ZNF841: variants seen among roughly 807,000 people sequenced by gnomAD.
ZNF841 encodes TCONS_00006091.
In ZNF841, 11 loss-of-function variants were observed where a neutral mutation model predicts 13.0. The ratio of observed to expected loss-of-function variants is 0.85; its 90% confidence interval spans 0.53 to 1.40. ZNF841 has a LOEUF of 1.40. Among genes scored for constraint, ZNF841 ranks in the 40% most tolerant of loss-of-function variants. The pLI, the probability that ZNF841 is intolerant of heterozygous loss-of-function variation, is 0.00. For synonymous variants in ZNF841, 369 were observed against 381.6 expected (o/e 0.97, Z 0.38); for missense variants, 1,068 against 1,139.5 (o/e 0.94, Z 0.90).
intron 4 of ZNF841, among the ~76,000 whole-genome samples, chr19:52,078,800 TAGAGA>T (rs960608382): frequency 4.6e-5 from 7 of 151,876 alleles, no homozygotes; most frequent in Non-Finnish European, 8.8e-5. Flanking sequence ...GTATCTTATG[TAGAGA>T]AAAGAAAAAA....
At chr19:52,074,800 G>C (rs1019743059) in intron 6 of ZNF841, among the ~76,000 whole-genome samples, 43 of 152,268 alleles carry the variant, frequency 2.8e-4, no homozygotes, top group African/African-American at 9.4e-4. Context: ...TACAGGCGTT[G>C]AGCCACCGTG....
intron 2 of ZNF841, among the ~76,000 whole-genome samples, chr19:52,090,935 T>C (rs942068370): frequency 6.6e-6 from 1 of 152,164 alleles, no homozygotes; most frequent in Admixed American, 6.5e-5. Context: ...TGGAGGCTAC[T>C]GTTCAGAGAA....
intron 4 of ZNF841, 54 bp from the exon 5 acceptor site, chr19:52,077,138 A>G (rs1399726093): frequency 1.3e-6 from 2 of 1,534,866 alleles, no homozygotes; most frequent in African/African-American, 2.8e-5. Context: ...TTATCTTTAC[A>G]TAAAATGAGA....
chr19:52,091,001 TC>T (rs2088479524), intron 2 of ZNF841, among the ~76,000 whole-genome samples: 1 of 152,136 alleles, frequency 6.6e-6, no homozygotes, highest in South Asian at 2.1e-4. Context: ...CACCCGCTTC[TC>T]CCTATCTCCT....
At chr19:52,072,564 C>T (rs987546454) in intron 6 of ZNF841, among the ~76,000 whole-genome samples, 5 of 152,202 alleles carry the variant, frequency 3.3e-5, no homozygotes, top group South Asian at 2.1e-4. Context: ...ACTCTTAGGC[C>T]GGTGTGGTGG....
intron 4 of ZNF841, among the ~76,000 whole-genome samples, chr19:52,080,614 A>C (rs570329961): frequency 1.2e-3 from 182 of 152,320 alleles, no homozygotes; most frequent in African/African-American, 4.2e-3. Flanking sequence ...ACTGAGAAAA[A>C]GGATGATTTA....
At chr19:52,092,486 A>ACC (rs2088529753) in intron 2 of ZNF841, among the ~76,000 whole-genome samples, 1 of 152,230 alleles carries the variant, frequency 6.6e-6, no homozygotes, top group African/African-American at 2.4e-5. Context: ...AATAGGCAAG[A>ACC]GATAACAGGT....
chr19:52,059,366 A>AT, the ZNF841 span, among the ~76,000 whole-genome samples: 8 of 96,252 alleles, frequency 8.3e-5, no homozygotes, highest in Admixed American at 1.1e-4. Context: ...AAAAAAAAAA[A>AT]AAAAATATAT....
Position 52,065,306 on chromosome 19 carries a change from CCAAA to C in ZNF841, c.2572_2575del (p.Phe858GlyfsTer39), listed in dbSNP as rs769911946. On this transcript the variant is annotated frameshift_variant, in exon 7 of 7. Coordinates refer to ENST00000594440, the MANE Select transcript of ZNF841 (RefSeq NM_001136499.2). LOFTEE classifies it low-confidence loss of function (END_TRUNC). ...GTGTTTAGTGAGGCAAGACCGCCGCCCAAACGCCTTGCCACATTCCATACATTTG... is the reference window on the plus strand; with the variant it reads ...GTGTTTAGTGAGGCAAGACCGCCGCCCGCCTTGCCACATTCCATACATTTG... The C allele has an allele frequency of 1.2e-6, 2 of 1,612,716 alleles. No individual in the cohort carries two copies. The highest frequency in any genetic ancestry group is 8.5e-7 in the Non-Finnish European group (1 of 1,179,176).
Position 52,066,580 on chromosome 19 carries a change from A to G in ZNF841, c.1302T>C (p.Cys434=). ...AGKKPYTCDV[C]GKVFYQNSQL... is the part of the protein sequence containing the mutation. ...GTGAATTCTGATAAAAGACCTTGCC[A>G]CATACATCACATGTATATGGTTTCT... is the stretch of plus-strand genomic sequence containing the variant. Residue 434 remains cysteine, a synonymous_variant, in exon 7 of 7, where the codon TGT becomes TGC. Coordinates refer to ENST00000594440, the MANE Select transcript of ZNF841 (RefSeq NM_001136499.2). The G allele has an allele frequency of 6.2e-7, 1 of 1,613,726 alleles. No individual in the cohort carries two copies. The highest frequency in any genetic ancestry group is 8.5e-7 in the Non-Finnish European group (1 of 1,179,812).
intron 3 of ZNF841, among the ~76,000 whole-genome samples, chr19:52,088,039 CA>C (rs201567770): frequency 0.21 from 24,934 of 121,292 alleles, 2,510 homozygotes; most frequent in East Asian, 0.43. Context: ...CAAAATACTC[CA>C]AAAAAAAAAA....
intron 2 of ZNF841, among the ~76,000 whole-genome samples, chr19:52,092,883 G>A (rs997163093): frequency 3.9e-5 from 6 of 152,226 alleles, no homozygotes; most frequent in African/African-American, 7.2e-5. Context: ...CACTTTGGGA[G>A]GCCAAGGCGG....
intron 6 of ZNF841, among the ~76,000 whole-genome samples, chr19:52,072,990 A>T (rs2087783804): frequency 6.6e-6 from 1 of 152,212 alleles, no homozygotes; most frequent in Non-Finnish European, 1.5e-5. Flanking sequence ...CTGCAGATAT[A>T]AATGCTAACA....
rs778913355 is a variant in ZNF841 at position 52,066,168 on chromosome 19, T to C, written c.1714A>G (p.Asn572Asp). 6.2e-6 allele frequency: 10 copies of C among 1,613,870 alleles called. No homozygotes were observed. Among genetic ancestry groups the C allele is most frequent in the Non-Finnish European group, 8.5e-6 (10 of 1,179,926 alleles). ...CHTGEKPLHC[N>D]KCGMVFTYYS... Reference sequence around the variant, plus strand: ...TAAGTGAAGACCATGCCACATTTATTACAATGGAGAGGTTTCTCTCCAGTA... The same window carrying C: ...TAAGTGAAGACCATGCCACATTTATCACAATGGAGAGGTTTCTCTCCAGTA... Residue 572 changes from asparagine (N) to aspartate (D), a missense_variant, in exon 7 of 7, where the codon AAT becomes GAT. By Grantham distance (23) the Asn-to-Asp change is conservative. Transcript: ENST00000594440.
At chr19:52,064,353 C>CAAAAAAAAAAA (rs56135758), downstream of ZNF841, 24 of 35,454 alleles carry the variant, frequency 6.8e-4, 5 homozygotes, top group Non-Finnish European at 1.2e-3. Flanking sequence ...ACTCCGTCTC[C>CAAAAAAAAAAA]AAAAAAAAAA....
chr19:52,091,482 G>A (rs751568951), intron 2 of ZNF841, among the ~76,000 whole-genome samples: 3 of 151,934 alleles, frequency 2.0e-5, no homozygotes, highest in African/African-American at 2.4e-5. Flanking sequence ...TATAATACTG[G>A]CATAAAAACA....
chr19:52,077,177 T>C (rs1225050859), intron 4 of ZNF841, 93 bp from the exon 5 acceptor site: 6 of 1,384,268 alleles, frequency 4.3e-6, no homozygotes, highest in South Asian at 2.8e-5. Flanking sequence ...ATCAATTTGA[T>C]TGAAGTGTGT....
At chr19:52,086,177 G>A (rs1033155738) in intron 3 of ZNF841, among the ~76,000 whole-genome samples, 1 of 152,174 alleles carries the variant, frequency 6.6e-6, no homozygotes, top group African/African-American at 2.4e-5. Flanking sequence ...GGGTAGGTGG[G>A]TGATATGGAT....
At chr19:52,095,465 G>A (rs1273596675) in intron 1 of ZNF841, 110 bp downstream of exon 1, 4 of 152,392 alleles carry the variant, frequency 2.6e-5, no homozygotes, top group African/African-American at 9.6e-5. Flanking sequence ...TTTTAAGCGG[G>A]AACACTACCT....
Sources: gnomAD v4.1 joint callset for allele counts (sites outside exome capture counted in the v4.1 genomes callset) on GRCh38, gnomAD v4.1.1 for gene constraint, MANE v1.5 for transcripts, NCBI Gene and HGNC (gene_info 2026-07-23, HGNC 2026-07-21) for gene names.